CEP112: variants seen among roughly 807,000 people sequenced by gnomAD.
CEP112 encodes the protein centrosomal protein of 112 kDa.
CEP112 carries 127 observed loss-of-function variants against 153.0 expected under a neutral mutation model. The ratio of observed to expected loss-of-function variants is 0.83; its 90% CI spans 0.72 to 0.96. The LOEUF (loss-of-function observed/expected upper bound fraction) is 0.96. CEP112 is among the 40% of genes least tolerant of loss of function. The pLI, the probability that CEP112 is intolerant of heterozygous loss-of-function variation, is 0.00. For synonymous variants in CEP112, 358 were observed against 374.4 expected (o/e 0.96, Z 0.51); for missense variants, 1,089 against 1,101.2 (o/e 0.99, Z 0.16).
chr17:65,985,848 G>GT (rs372660518), intron 17 of CEP112, among the ~76,000 whole-genome samples: 127,961 of 146,036 alleles, frequency 0.88, 56,217 homozygotes, highest in East Asian at 0.97. Context: ...AAGGGCTTTT[G>GT]TTTTTTTTTT....
chr17:65,689,401 C>A (rs1211260812), intron 23 of CEP112, among the ~76,000 whole-genome samples, 183 bp from the exon 24 acceptor site: 2 of 150,826 alleles, frequency 1.3e-5, no homozygotes, highest in African/African-American at 2.4e-5. Context: ...TTTAAGAATA[C>A]CTAGTATAAA....
chr17:66,024,275 C>T (rs1212480214), intron 16 of CEP112, among the ~76,000 whole-genome samples: 1 of 152,104 alleles, frequency 6.6e-6, no homozygotes, highest in Non-Finnish European at 1.5e-5. Flanking sequence ...AGGATGCTTA[C>T]TTTCACCATG....
At chr17:65,727,693 A>G (rs547586119) in intron 23 of CEP112, among the ~76,000 whole-genome samples, 16 of 152,328 alleles carry the variant, frequency 1.1e-4, no homozygotes, top group Non-Finnish European at 1.6e-4. Flanking sequence ...TCACAACTCA[A>G]TGTTGTAGAT....
intron 17 of CEP112, among the ~76,000 whole-genome samples, chr17:65,971,724 A>G (rs1247323835): frequency 6.6e-6 from 1 of 152,194 alleles, no homozygotes; most frequent in Admixed American, 6.5e-5. Context: ...ATGCATAAAT[A>G]TATTGCAGGT....
At chr17:65,741,160 T>C (rs2051112131) in intron 23 of CEP112, among the ~76,000 whole-genome samples, 2 of 152,118 alleles carry the variant, frequency 1.3e-5, no homozygotes. Context: ...TCATGAAGAT[T>C]ACCATAAGGC....
chr17:65,899,319 C>G (rs1235618091), intron 20 of CEP112, among the ~76,000 whole-genome samples: 1 of 152,008 alleles, frequency 6.6e-6, no homozygotes, highest in Non-Finnish European at 1.5e-5. Flanking sequence ...TTAATGTGCA[C>G]ATTAGCAAAT....
chr17:66,156,381 C>T (rs2071440831), intron 4 of CEP112, among the ~76,000 whole-genome samples: 1 of 152,058 alleles, frequency 6.6e-6, no homozygotes, highest in Non-Finnish European at 1.5e-5. Flanking sequence ...CTGAAGGTCA[C>T]CAACATCAAA....
At chr17:66,100,500 G>A (rs2068527667) in intron 6 of CEP112, among the ~76,000 whole-genome samples, 1 of 149,972 alleles carries the variant, frequency 6.7e-6, no homozygotes, top group South Asian at 2.1e-4. Flanking sequence ...CAAAAACCAG[G>A]AAATAAAACT....
At chr17:65,813,029 A>G (rs2056071519) in intron 21 of CEP112, among the ~76,000 whole-genome samples, 1 of 152,222 alleles carries the variant, frequency 6.6e-6, no homozygotes, top group Non-Finnish European at 1.5e-5. Flanking sequence ...AGAATAAAAC[A>G]TTATTTCAAA....
At chr17:65,796,248 T>G (rs978666883) in intron 21 of CEP112, among the ~76,000 whole-genome samples, 2 of 152,188 alleles carry the variant, frequency 1.3e-5, no homozygotes, top group East Asian at 3.8e-4. Flanking sequence ...GATATGTTTG[T>G]CTTCCTTTAT....
chr17:65,720,725 T>C (rs1190298500), intron 23 of CEP112, among the ~76,000 whole-genome samples: 2 of 152,224 alleles, frequency 1.3e-5, no homozygotes, highest in African/African-American at 4.8e-5. Flanking sequence ...ACTTATTGAA[T>C]AGGGCCTTTT....
intron 23 of CEP112, among the ~76,000 whole-genome samples, 194 bp downstream of exon 23, chr17:65,742,874 G>T (rs951874242): frequency 2.6e-5 from 4 of 152,154 alleles, no homozygotes; most frequent in African/African-American, 7.2e-5. Context: ...TTTTATGCTG[G>T]CATGCGATCT....
At chr17:65,723,947 T>C (rs1463063033) in intron 23 of CEP112, among the ~76,000 whole-genome samples, 2 of 152,242 alleles carry the variant, frequency 1.3e-5, no homozygotes, top group Admixed American at 1.3e-4. Flanking sequence ...ATTAATGAGA[T>C]GTTGAGCAGC....
At chr17:65,653,101 CA>C (rs2045870944) in intron 24 of CEP112, among the ~76,000 whole-genome samples, 1 of 152,154 alleles carries the variant, frequency 6.6e-6, no homozygotes, top group Non-Finnish European at 1.5e-5. Flanking sequence ...AATTACCTCC[CA>C]AAGGCCACCT....
intron 17 of CEP112, among the ~76,000 whole-genome samples, chr17:65,973,467 T>C (rs2062923466): frequency 6.6e-6 from 1 of 152,226 alleles, no homozygotes. Flanking sequence ...CTTTCCAAGG[T>C]AGATAGGCAT....
intron 4 of CEP112, among the ~76,000 whole-genome samples, chr17:66,154,933 T>C (rs1428941899): frequency 6.6e-6 from 1 of 152,196 alleles, no homozygotes. Context: ...TAAACAATTA[T>C]TGCCAAAGTG....
intron 6 of CEP112, among the ~76,000 whole-genome samples, chr17:66,097,113 C>G (rs898689452): frequency 2.0e-5 from 3 of 152,180 alleles, no homozygotes; most frequent in Non-Finnish European, 4.4e-5. Context: ...GCAAAGAGAA[C>G]ACAAAATTCC....
chr17:66,024,253 T>C (rs955074132), intron 16 of CEP112, among the ~76,000 whole-genome samples: 4 of 152,018 alleles, frequency 2.6e-5, no homozygotes, highest in African/African-American at 9.7e-5. Context: ...CAATAAGAAC[T>C]GGAATAAGAC....
At chr17:65,955,649 T>C (rs1464010422) in intron 18 of CEP112, among the ~76,000 whole-genome samples, 10 of 152,032 alleles carry the variant, frequency 6.6e-5, no homozygotes, top group Non-Finnish European at 1.3e-4. Flanking sequence ...AGTAAAGGGG[T>C]AGAAAAAGAT....
Sources: gnomAD v4.1 joint callset for allele counts (sites outside exome capture counted in the v4.1 genomes callset) on GRCh38, gnomAD v4.1.1 for gene constraint, MANE v1.5 for transcripts, NCBI Gene and HGNC (gene_info 2026-07-23, HGNC 2026-07-21) for gene names.